GRM7: variants seen among roughly 807,000 people sequenced by gnomAD.
The protein encoded by GRM7 is metabotropic glutamate receptor 7.
A neutral mutation model predicts 84.5 loss-of-function variants in GRM7; 35 were observed. The observed-to-expected ratio is 0.41, with a 90% CI of 0.32 to 0.55. The LOEUF (loss-of-function observed/expected upper bound fraction) is 0.55, where lower values mean the gene tolerates loss of function less well. GRM7 is among the 20% of genes least tolerant of loss of function. GRM7 has a pLI of 0.19. For missense variants in GRM7, 1,003 were observed against 1,194.6 expected, an observed-to-expected ratio of 0.84 and a Z score of 2.36; for synonymous variants, 487 against 455.1, an observed-to-expected ratio of 1.07 and a Z score of -0.89.
chr3:7,398,637 A>G (rs1264512927), intron 4 of GRM7, among the ~76,000 whole-genome samples: 4 of 152,042 alleles, frequency 2.6e-5, no homozygotes, highest in Admixed American at 1.3e-4. Context: ...ATATATATGT[A>G]TATATATGCA....
chr3:6,956,592 G>C (rs2125076113), intron 1 of GRM7: 1 of 456,612 alleles, frequency 2.2e-6, no homozygotes, highest in East Asian at 7.0e-5. Context: ...TCCTGTCTCA[G>C]TTTCCCAATC....
At chr3:7,322,432 G>A (rs924297824) in intron 4 of GRM7, among the ~76,000 whole-genome samples, 8 of 151,686 alleles carry the variant, frequency 5.3e-5, no homozygotes, top group African/African-American at 1.9e-4. Flanking sequence ...TTGGGGAACA[G>A]GTTTTTTTTT....
intron 2 of GRM7, among the ~76,000 whole-genome samples, chr3:7,225,322 G>A (rs75440501): frequency 0.022 from 3,337 of 148,650 alleles, 69 homozygotes; most frequent in African/African-American, 0.056. Context: ...AGCAGCATTG[G>A]GTTATAATAT....
At chr3:6,898,567 C>G (rs1010000542) in intron 1 of GRM7, among the ~76,000 whole-genome samples, 4 of 152,078 alleles carry the variant, frequency 2.6e-5, no homozygotes, top group Non-Finnish European at 5.9e-5. Context: ...ACCTTCTACT[C>G]TCTTCACCAA....
intron 2 of GRM7, among the ~76,000 whole-genome samples, chr3:7,205,524 T>C (rs1198096180): frequency 6.6e-6 from 1 of 152,220 alleles, no homozygotes; most frequent in Non-Finnish European, 1.5e-5. Flanking sequence ...GCCATTTTTG[T>C]TTAATACTCT....
intron 1 of GRM7, among the ~76,000 whole-genome samples, chr3:6,923,242 T>C (rs1422873168): frequency 6.6e-6 from 1 of 152,090 alleles, no homozygotes. Flanking sequence ...CTCGGACTTC[T>C]GACCTCAGAT....
intron 1 of GRM7, among the ~76,000 whole-genome samples, chr3:7,122,064 C>T (rs1361024915): frequency 6.6e-6 from 1 of 152,128 alleles, no homozygotes; most frequent in Non-Finnish European, 1.5e-5. Flanking sequence ...TTTCCAGCCT[C>T]CAAAACTAAG....
rs958353366 is a variant in GRM7, at chr3:6,997,622, C to A, written c.519+135715C>A. Among the ~76,000 whole-genome samples the A allele has an allele frequency of 4.6e-5, 7 of 152,152 alleles. No individual in the cohort carries two copies. The South Asian group carries it at 8.3e-4, about 18-fold the overall frequency. ...CAACATGTGGGGATTATGGGAACTA[C>A]AATTCAAGATGAGAGGTGGGTGGGG... is the stretch of plus-strand genomic sequence containing the variant. On this transcript the variant is annotated intron_variant, in intron 1 of 9. Transcript: ENST00000357716.
chr3:7,369,222 T>C (rs766339549), intron 4 of GRM7, among the ~76,000 whole-genome samples: 1 of 151,998 alleles, frequency 6.6e-6, no homozygotes, highest in Non-Finnish European at 1.5e-5. Flanking sequence ...ACAAACAACT[T>C]TTTAAATTTT....
rs571633212 is a variant in GRM7, at chr3:7,082,069, T to C, written c.520-64383T>C. 2.5e-4 allele frequency among the ~76,000 whole-genome samples: 38 copies of C among 152,110 alleles called. 1 individual carries two copies. The South Asian group carries it at 2.9e-3, about 12-fold the overall frequency. Reference sequence around the variant, plus strand: ...AGCAATTTATCCAGAAAACCTAAGATAATAAAGGAAGATGACGACACTAAA... The same window carrying C: ...AGCAATTTATCCAGAAAACCTAAGACAATAAAGGAAGATGACGACACTAAA... On this transcript the variant is annotated intron_variant, in intron 1 of 9. Coordinates refer to ENST00000357716, the MANE Select transcript of GRM7 (RefSeq NM_000844.4).
At chr3:7,493,066 G>A (rs78943250) in intron 7 of GRM7, among the ~76,000 whole-genome samples, 6,792 of 152,040 alleles carry the variant, frequency 0.045, 247 homozygotes, top group Non-Finnish European at 0.06. Context: ...TTTTAAATTT[G>A]ATGAAGTATG....
intron 1 of GRM7, among the ~76,000 whole-genome samples, chr3:6,981,475 G>A (rs770248111): frequency 1.9e-4 from 29 of 152,196 alleles, no homozygotes; most frequent in Non-Finnish European, 2.9e-4. Flanking sequence ...TAATTGTCTC[G>A]TATCCAGAGG....
intron 1 of GRM7, among the ~76,000 whole-genome samples, chr3:6,994,367 G>C (rs1694757723): frequency 6.6e-6 from 1 of 152,190 alleles, no homozygotes; most frequent in African/African-American, 2.4e-5. Context: ...GAGCATGTTA[G>C]CTGGGAGAGG....
At position 7,333,496 on chromosome 3, in the gene GRM7, A is replaced by C. The variant is rs146161786; in HGVS notation, c.1033+26844A>C. Among the ~76,000 whole-genome samples, 83 of 152,308 alleles carry C rather than the reference A, an allele frequency of 5.4e-4. 2 individuals carry two copies. The East Asian group carries it at 0.016, about 29-fold the overall frequency. On this transcript the variant is annotated intron_variant, in intron 4 of 9. Coordinates refer to ENST00000357716, the MANE Select transcript of GRM7 (RefSeq NM_000844.4). ...AAAAGAATCTGAACAGCAGTCCTTG[A>C]GTTACAGATCTTTCCACTGAAACAA...
intron 7 of GRM7, chr3:7,561,590 T>C (rs779573499): frequency 4.4e-6 from 2 of 456,212 alleles, no homozygotes; most frequent in Non-Finnish European, 4.4e-6. Flanking sequence ...ATATTTTTGT[T>C]TGAGGAAAAA....
chr3:7,361,934 G>A (rs1339660854), intron 4 of GRM7, among the ~76,000 whole-genome samples: 1 of 152,050 alleles, frequency 6.6e-6, no homozygotes, highest in Non-Finnish European at 1.5e-5. Context: ...CATAGAACTG[G>A]AGGCTCTCTA....
At chr3:7,448,771 C>A (rs1697638520) in intron 5 of GRM7, among the ~76,000 whole-genome samples, 1 of 151,866 alleles carries the variant, frequency 6.6e-6, no homozygotes, top group South Asian at 2.1e-4. Flanking sequence ...GGGATAAAGC[C>A]TGCAATGTTT....
chr3:7,466,734 T>G (rs977919981), intron 7 of GRM7, among the ~76,000 whole-genome samples: 3 of 152,224 alleles, frequency 2.0e-5, no homozygotes, highest in Non-Finnish European at 4.4e-5. Flanking sequence ...ATGAATATTA[T>G]TTCCTCTTTT....
At chr3:6,945,347 A>G (rs1346092377) in intron 1 of GRM7, among the ~76,000 whole-genome samples, 5 of 152,060 alleles carry the variant, frequency 3.3e-5, no homozygotes, top group Admixed American at 3.3e-4. Flanking sequence ...TTTGCTGAGA[A>G]TGATGGTTTC....
Sources: gnomAD v4.1 joint callset for allele counts (sites outside exome capture counted in the v4.1 genomes callset) on GRCh38, gnomAD v4.1.1 for gene constraint, MANE v1.5 for transcripts, NCBI Gene and HGNC (gene_info 2026-07-23, HGNC 2026-07-21) for gene names.